Variants in CDC40 observed in about 807,000 individuals in gnomAD.
The protein encoded by CDC40 is pre-mRNA-processing factor 17.
In CDC40, 27 loss-of-function variants were observed where a neutral mutation model predicts 80.6. That is an observed-to-expected ratio of 0.33 (90% CI 0.25 to 0.46). The LOEUF is 0.46. Ranked by LOEUF, CDC40 falls within the 20% of genes least tolerant of loss-of-function variation. CDC40 has a pLI of 1.00. For synonymous variants in CDC40, 221 were observed against 232.6 expected (o/e 0.95, Z 0.45); for missense variants, 486 against 694.1 (o/e 0.70, Z 3.37).
chr6:110,202,557 C>T (rs192455224), intron 3 of CDC40, among the ~76,000 whole-genome samples: 15 of 152,222 alleles, frequency 9.9e-5, no homozygotes, highest in Admixed American at 9.8e-4. Flanking sequence ...TCCTTTAAAA[C>T]AAAACAAAAG....
At chr6:110,223,088 G>T (rs1777798516) in intron 12 of CDC40, among the ~76,000 whole-genome samples, 1 of 152,074 alleles carries the variant, frequency 6.6e-6, no homozygotes, top group Non-Finnish European at 1.5e-5. Context: ...GCTTGTTTTT[G>T]TTTTTTGTTT....
intron 12 of CDC40, among the ~76,000 whole-genome samples, chr6:110,225,792 T>G (rs897056409): frequency 1.3e-5 from 2 of 152,260 alleles, no homozygotes; most frequent in African/African-American, 4.8e-5. Flanking sequence ...AAGTGGGTTT[T>G]GGTTACATGG....
intron 2 of CDC40, among the ~76,000 whole-genome samples, chr6:110,196,034 T>C (rs544216397): frequency 2.0e-5 from 3 of 152,336 alleles, no homozygotes; most frequent in African/African-American, 7.2e-5. Flanking sequence ...ATTATTACTG[T>C]ATGCCAGGTA....
chr6:110,197,963 G>A (rs117841446), intron 2 of CDC40, among the ~76,000 whole-genome samples: 3,222 of 151,954 alleles, frequency 0.021, 40 homozygotes, highest in Middle Eastern at 0.037. Context: ...ATTTTTTGAG[G>A]AGCCTCCATA....
At chr6:110,218,052 A>G (rs988229693) in intron 10 of CDC40, among the ~76,000 whole-genome samples, 1 of 152,238 alleles carries the variant, frequency 6.6e-6, no homozygotes, top group Non-Finnish European at 1.5e-5. Context: ...CAAAGTGGAA[A>G]TCTTGTATAG....
At chr6:110,225,451 T>G (rs897087592) in intron 12 of CDC40, among the ~76,000 whole-genome samples, 3 of 133,204 alleles carry the variant, frequency 2.3e-5, no homozygotes, top group African/African-American at 8.7e-5. Context: ...TCACATGAGG[T>G]TTTTTTTTTT....
intron 1 of CDC40, among the ~76,000 whole-genome samples, chr6:110,183,706 G>A (rs75289569): frequency 0.033 from 5,001 of 152,310 alleles, 147 homozygotes; most frequent in South Asian, 0.12. Context: ...TTCATCTGTA[G>A]TTGACTAATT....
chr6:110,229,308 A>G (rs1333797713), intron 14 of CDC40, among the ~76,000 whole-genome samples: 3 of 152,250 alleles, frequency 2.0e-5, no homozygotes, highest in African/African-American at 4.8e-5. Context: ...CTGTATTGCT[A>G]TGATTGAATG....
chr6:110,201,513 G>A, intron 2 of CDC40, 45 bp from the exon 3 acceptor site: 1 of 1,460,420 alleles, frequency 6.8e-7, no homozygotes. Context: ...CAGAACTTTT[G>A]TGTCTTTCTT....
At chr6:110,209,050 A>AG in intron 4 of CDC40, 34 bp from the exon 5 acceptor site, 1 of 1,181,428 alleles carries the variant, frequency 8.5e-7, no homozygotes, top group East Asian at 2.6e-5. Context: ...GTAATCTCTC[A>AG]GTTTTTTTTT....
At chr6:110,228,237 C>CG in intron 13 of CDC40, among the ~76,000 whole-genome samples, 1 of 152,170 alleles carries the variant, frequency 6.6e-6, no homozygotes, top group Non-Finnish European at 1.5e-5. Context: ...CACTGTCATA[C>CG]GTGCGGTCCA....
intron 2 of CDC40, among the ~76,000 whole-genome samples, chr6:110,197,965 G>A (rs1310075861): frequency 6.6e-6 from 1 of 151,896 alleles, no homozygotes; most frequent in Non-Finnish European, 1.5e-5. Context: ...TTTTTGAGGA[G>A]CCTCCATACC....
chr6:110,196,130 A>C (rs893401060), intron 2 of CDC40, among the ~76,000 whole-genome samples: 4 of 152,146 alleles, frequency 2.6e-5, no homozygotes, highest in African/African-American at 9.7e-5. Context: ...ATTTTATAGC[A>C]AGGAAACCAA....
chr6:110,213,028 T>A (rs1224972386), intron 7 of CDC40, 58 bp from the exon 8 acceptor site: 2 of 1,154,828 alleles, frequency 1.7e-6, no homozygotes, highest in Non-Finnish European at 2.6e-6. Flanking sequence ...TTCTTGATGC[T>A]TCATTTGAGC....
chr6:110,216,134 C>T (rs1342438829), intron 9 of CDC40, among the ~76,000 whole-genome samples: 1 of 152,078 alleles, frequency 6.6e-6, no homozygotes, highest in Non-Finnish European at 1.5e-5. Flanking sequence ...TGGGAATTGA[C>T]AGCTAAAGCA....
chr6:110,221,812 A>C (rs1387945909), intron 12 of CDC40, among the ~76,000 whole-genome samples: 2 of 152,172 alleles, frequency 1.3e-5, no homozygotes, highest in Admixed American at 1.3e-4. Context: ...CTGAAGTAAA[A>C]CATTGGTCAG....
At position 110,213,276 on chromosome 6, in the gene CDC40, C is replaced by T. The variant is rs1477692757; in HGVS notation, c.942+116C>T. On this transcript the variant is annotated intron_variant, in intron 8 of 14. Transcript: ENST00000307731. ...GGCAATTAGAAGCTAATTATTTTCT[C>T]TTAGATCCTGTAAATGCAGCAATTT... 1.6e-5 allele frequency: 11 copies of T among 683,114 alleles called. No homozygotes were observed. The East Asian group carries it at 2.9e-4, about 18-fold the overall frequency. 42.3% of individuals were successfully genotyped at this position (683,114 alleles called of 1,614,324 possible). A position where few individuals can be genotyped will look rare whatever the true frequency, so the allele number is the denominator to read the frequency against.
At chr6:110,217,840 C>A (rs757456185) in intron 10 of CDC40, 37 bp downstream of exon 10, 1 of 1,034,544 alleles carries the variant, frequency 9.7e-7, no homozygotes, top group Non-Finnish European at 1.5e-6. Flanking sequence ...ATTCATCTTA[C>A]AAGTTATTTA....
chr6:110,190,314 T>A (rs762123423), intron 1 of CDC40, among the ~76,000 whole-genome samples: 8 of 152,216 alleles, frequency 5.3e-5, no homozygotes, highest in Admixed American at 4.6e-4. Context: ...AAGTGCTTGC[T>A]ATTTTTAAAA....
Sources: allele counts gnomAD v4.1 joint callset (sites outside exome capture counted in the v4.1 genomes callset), GRCh38; gene constraint gnomAD v4.1.1; transcripts MANE v1.5; gene names NCBI Gene and HGNC (gene_info 2026-07-23, HGNC 2026-07-21).